Variants in RSPH14 observed in about 807,000 individuals in gnomAD.
RSPH14 encodes the protein radial spoke head 14 homolog, also known as rhabdoid tumor deletion region gene 1.
RSPH14 carries 20 observed loss-of-function variants against 26.7 expected under a neutral mutation model. The ratio of observed to expected loss-of-function variants is 0.75; its 90% CI spans 0.53 to 1.09. RSPH14 has a LOEUF of 1.09. RSPH14 is among the 50% of genes least tolerant of loss of function. The pLI, the probability that RSPH14 is intolerant of heterozygous loss-of-function variation, is 0.00. For synonymous variants in RSPH14, 177 were observed against 189.3 expected, an observed-to-expected ratio of 0.93 and a Z score of 0.53; for missense variants, 449 against 457.2, an observed-to-expected ratio of 0.98 and a Z score of 0.16.
At chr22:23,114,520 C>T (rs970661832) in intron 4 of RSPH14, among the ~76,000 whole-genome samples, 1 of 152,144 alleles carries the variant, frequency 6.6e-6, no homozygotes, top group Admixed American at 6.5e-5. Context: ...TGTATTACCC[C>T]TCGCCCCCTG....
At chr22:23,177,647 C>A in the RSPH14 span, among the ~76,000 whole-genome samples, 1 of 152,142 alleles carries the variant, frequency 6.6e-6, no homozygotes, top group Non-Finnish European at 1.5e-5. Context: ...GATAGGGGTG[C>A]TTTCAGGGAA....
intron 4 of RSPH14, among the ~76,000 whole-genome samples, chr22:23,080,822 G>A (rs369197171): frequency 4.6e-5 from 7 of 152,206 alleles, no homozygotes; most frequent in Admixed American, 2.0e-4. Flanking sequence ...AAATCTTGGC[G>A]CGCAAAAACC....
the RSPH14 span, among the ~76,000 whole-genome samples, chr22:23,157,257 T>G: frequency 6.6e-6 from 1 of 151,018 alleles, no homozygotes; most frequent in Non-Finnish European, 1.5e-5. Context: ...CTAACAGGTT[T>G]TTTTTTTTTT....
chr22:23,159,097 C>G, the RSPH14 span: 3 of 1,591,000 alleles, frequency 1.9e-6, no homozygotes, highest in East Asian at 6.8e-5. Flanking sequence ...CAGGCAGCTG[C>G]CTATCCCCCT....
chr22:23,146,213 T>G (rs2070760784), upstream of RSPH14, among the ~76,000 whole-genome samples: 1 of 152,156 alleles, frequency 6.6e-6, no homozygotes, highest in South Asian at 2.1e-4. Flanking sequence ...GATCTGGTTT[T>G]ATTTATAATT....
the RSPH14 span, among the ~76,000 whole-genome samples, chr22:23,150,522 C>T: frequency 2.8e-3 from 428 of 152,040 alleles, 5 homozygotes; most frequent in African/African-American, 9.3e-3. Context: ...AGGATGGTCT[C>T]GATCTCCTGA....
chr22:23,135,511 T>A (rs1161088554), intron 3 of RSPH14, among the ~76,000 whole-genome samples: 1 of 150,302 alleles, frequency 6.7e-6, no homozygotes, highest in Non-Finnish European at 1.5e-5. Flanking sequence ...AATAAATAAA[T>A]AAATATAAAT....
chr22:23,115,917 C>T (rs1468663804), intron 4 of RSPH14, among the ~76,000 whole-genome samples: 3 of 152,266 alleles, frequency 2.0e-5, no homozygotes, highest in African/African-American at 4.8e-5. Flanking sequence ...GATCCCCCTA[C>T]CCCCTGGGCC....
chr22:23,076,980 T>C (rs1369222425), intron 4 of RSPH14, among the ~76,000 whole-genome samples: 1 of 152,214 alleles, frequency 6.6e-6, no homozygotes, highest in African/African-American at 2.4e-5. Context: ...GGGTCAAGTG[T>C]ACAGATAGTT....
At chr22:23,175,805 T>C in the RSPH14 span, among the ~76,000 whole-genome samples, 2 of 152,202 alleles carry the variant, frequency 1.3e-5, no homozygotes, top group African/African-American at 2.4e-5. Context: ...GGCCCACCTC[T>C]GCCCTGCCGG....
chr22:23,072,334 A>G (rs1601742945), intron 4 of RSPH14, among the ~76,000 whole-genome samples: 1 of 152,092 alleles, frequency 6.6e-6, no homozygotes, highest in South Asian at 2.1e-4. Context: ...CGGTGCTTGG[A>G]TAAAATATGC....
At chr22:23,076,570 T>TCAGGCCC (rs1254525155) in intron 4 of RSPH14, among the ~76,000 whole-genome samples, 2 of 152,164 alleles carry the variant, frequency 1.3e-5, no homozygotes, top group African/African-American at 4.8e-5. Context: ...CTGGGCCCCG[T>TCAGGCCC]CAGGCCCAAC....
At chr22:23,092,992 C>T (rs565015149) in intron 4 of RSPH14, among the ~76,000 whole-genome samples, 8 of 152,348 alleles carry the variant, frequency 5.3e-5, no homozygotes, top group Admixed American at 2.0e-4. Context: ...AGGCAGTGGG[C>T]TGAGGGCTTT....
rs3788336 is a variant in RSPH14 at position 23,060,802 on chromosome 22, G to A, written c.790+1007C>T. Among the ~76,000 whole-genome samples the A allele has an allele frequency of 6.6e-5, 10 of 152,272 alleles. No homozygotes were observed. In the East Asian group the frequency reaches 1.5e-3, roughly 24 times the overall value. ...ATCACTGCCTCCCAGGGCCTGGCAC[G>A]TGGCAGGGGCTTCAGGACCCTCAGC... On this transcript the variant is annotated intron_variant, in intron 6 of 6. Transcript: ENST00000216036.
rs372974122 is a variant in RSPH14 at position 23,138,799 on chromosome 22, G to A, written c.302+41C>T. The stretch of plus-strand genomic sequence containing the variant: ...GTGCATCCACCCAGGGGAGAAGTGC[G>A]GCTCGCAAGCGTCACACTGGTTTCC... On this transcript the variant is annotated intron_variant, in intron 3 of 6. Coordinates refer to ENST00000216036, the MANE Select transcript of RSPH14 (RefSeq NM_014433.3). The A allele has an allele frequency of 3.3e-5, 50 of 1,502,532 alleles. 1 individual carries two copies. The highest frequency in any genetic ancestry group is 3.5e-4 in the Middle Eastern group (2 of 5,688). 93.1% of individuals were successfully genotyped at this position (1,502,532 alleles called of 1,614,324 possible).
At chr22:23,083,005 G>A (rs1025512365) in intron 4 of RSPH14, among the ~76,000 whole-genome samples, 9 of 152,128 alleles carry the variant, frequency 5.9e-5, no homozygotes, top group South Asian at 2.1e-4. Context: ...GAAAGGGCAC[G>A]TGGGAGACTG....
At chr22:23,104,481 T>G (rs1303708569) in intron 4 of RSPH14, among the ~76,000 whole-genome samples, 3 of 152,216 alleles carry the variant, frequency 2.0e-5, no homozygotes, top group Non-Finnish European at 4.4e-5. Flanking sequence ...CTGCATCGGC[T>G]AGGCTTGCCC....
chr22:23,100,766 A>G (rs1004119778), intron 4 of RSPH14, among the ~76,000 whole-genome samples: 3 of 152,216 alleles, frequency 2.0e-5, no homozygotes, highest in African/African-American at 4.8e-5. Context: ...CTGGAGCTCC[A>G]GAGCCCTGGC....
intron 4 of RSPH14, among the ~76,000 whole-genome samples, chr22:23,121,070 ATC>A (rs2070012123): frequency 6.6e-6 from 1 of 152,132 alleles, no homozygotes. Flanking sequence ...ACCACCACTT[ATC>A]TCACATTTGG....
Sources: allele counts gnomAD v4.1 joint callset (sites outside exome capture counted in the v4.1 genomes callset), GRCh38; gene constraint gnomAD v4.1.1; transcripts MANE v1.5; gene names NCBI Gene and HGNC (gene_info 2026-07-23, HGNC 2026-07-21).